The following GRIP1 variants were observed in gnomAD, a reference collection of about 807,000 sequenced individuals.
GRIP1 encodes glutamate receptor interacting protein 1.
Under a neutral mutation model 129.9 loss-of-function variants are expected in GRIP1, and 45 were observed. The observed-to-expected ratio is 0.35, with a 90% CI of 0.27 to 0.44. The LOEUF is 0.44. GRIP1 is among the 20% of genes least tolerant of loss of function. The probability of loss-of-function intolerance (pLI) is 1.00; values close to 1 mark genes in which losing one functional copy is unlikely to be tolerated. For synonymous variants in GRIP1, 530 were observed against 520.8 expected, an observed-to-expected ratio of 1.02 and a Z score of -0.24; for missense variants, 1,196 against 1,396.8, an observed-to-expected ratio of 0.86 and a Z score of 2.29.
chr12:67,024,169 A>T (rs1228880914), intron 1 of GRIP1, among the ~76,000 whole-genome samples: 3 of 152,032 alleles, frequency 2.0e-5, no homozygotes, highest in African/African-American at 4.8e-5. Flanking sequence ...TCCTTCCATC[A>T]CTCATCACCC....
chr12:66,527,343 G>C (rs1371499315), intron 5 of GRIP1, among the ~76,000 whole-genome samples: 5 of 151,980 alleles, frequency 3.3e-5, no homozygotes, highest in African/African-American at 1.2e-4. Context: ...ATACTATGCA[G>C]CCATAAAAAA....
intron 5 of GRIP1, among the ~76,000 whole-genome samples, chr12:66,528,427 G>A (rs916958479): frequency 9.9e-5 from 15 of 152,140 alleles, no homozygotes; most frequent in African/African-American, 3.1e-4. Flanking sequence ...GTGAGTCACT[G>A]TGCCCGGCCT....
At chr12:66,634,609 T>C (rs938289703) in intron 1 of GRIP1, among the ~76,000 whole-genome samples, 1 of 152,246 alleles carries the variant, frequency 6.6e-6, no homozygotes, top group South Asian at 2.1e-4. Context: ...AAATTGATCA[T>C]ATATTCTTCC....
At chr12:66,882,841 C>T (rs985443196) in intron 1 of GRIP1, among the ~76,000 whole-genome samples, 1 of 152,118 alleles carries the variant, frequency 6.6e-6, no homozygotes, top group Non-Finnish European at 1.5e-5. Flanking sequence ...ATCTCCTCCT[C>T]GCAGACAAGG....
intron 1 of GRIP1, among the ~76,000 whole-genome samples, chr12:66,768,694 T>A (rs1566012590): frequency 6.6e-6 from 1 of 152,224 alleles, no homozygotes; most frequent in East Asian, 1.9e-4. Context: ...AAACACTGGT[T>A]ATACACAATA....
intron 1 of GRIP1, among the ~76,000 whole-genome samples, chr12:66,859,611 T>G (rs1308361979): frequency 6.6e-6 from 1 of 152,070 alleles, no homozygotes; most frequent in East Asian, 1.9e-4. Context: ...GGATGTCTAA[T>G]TCCATTCTCT....
intron 1 of GRIP1, among the ~76,000 whole-genome samples, chr12:66,762,794 C>T (rs10506499): frequency 0.013 from 1,989 of 152,270 alleles, 52 homozygotes; most frequent in African/African-American, 0.046. Context: ...ATGCCTTAAT[C>T]GGAGCATATA....
intron 23 of GRIP1, among the ~76,000 whole-genome samples, chr12:66,356,913 C>T (rs1453217091): frequency 1.3e-5 from 2 of 152,098 alleles, no homozygotes; most frequent in Non-Finnish European, 2.9e-5. Flanking sequence ...CTCTGTCACC[C>T]AGGCAGGAGT....
At chr12:67,013,113 A>G (rs2042733738) in intron 1 of GRIP1, among the ~76,000 whole-genome samples, 1 of 152,226 alleles carries the variant, frequency 6.6e-6, no homozygotes, top group South Asian at 2.1e-4. Flanking sequence ...AATTTGGGTA[A>G]CATTTGTTGA....
rs964774719 is a variant in GRIP1 at position 66,442,440 on chromosome 12, C to A, written c.1687+2144G>T. Among the ~76,000 whole-genome samples the A allele has an allele frequency of 2.0e-5, 3 of 152,226 alleles. No individual in the cohort carries two copies. The East Asian group carries it at 5.8e-4, about 29-fold the overall frequency. ...TGTCACTCCTTAGAGCATCAGCCTA[C>A]AAAACTAGCTCCCCTAAAGTCATTC... On this transcript the variant is annotated intron_variant, in intron 13 of 24. Coordinates refer to ENST00000359742, the MANE Select transcript of GRIP1 (RefSeq NM_001366722.1).
chr12:66,489,965 C>G (rs2060061197), intron 7 of GRIP1, among the ~76,000 whole-genome samples: 1 of 152,022 alleles, frequency 6.6e-6, no homozygotes, highest in Non-Finnish European at 1.5e-5. Flanking sequence ...AACCACCATA[C>G]AAGGAAATCA....
chr12:66,894,246 A>G (rs1468295752), intron 1 of GRIP1, among the ~76,000 whole-genome samples: 1 of 152,178 alleles, frequency 6.6e-6, no homozygotes, highest in Admixed American at 6.5e-5. Flanking sequence ...TAGAGAGTAC[A>G]CGCACTCCCA....
At chr12:66,836,285 C>T (rs12826886) in intron 1 of GRIP1, among the ~76,000 whole-genome samples, 39,597 of 151,962 alleles carry the variant, frequency 0.26, 6,177 homozygotes, top group Non-Finnish European at 0.35. Flanking sequence ...GCCCAGGAAC[C>T]TCACAACCTC....
intron 2 of GRIP1, among the ~76,000 whole-genome samples, chr12:66,578,447 G>C (rs1479488926): frequency 6.6e-6 from 1 of 152,120 alleles, no homozygotes; most frequent in Non-Finnish European, 1.5e-5. Flanking sequence ...GCCAAAGCAG[G>C]GCGAGGCATT....
chr12:66,821,851 G>A (rs1180831731), intron 1 of GRIP1, among the ~76,000 whole-genome samples: 1 of 152,152 alleles, frequency 6.6e-6, no homozygotes, highest in Non-Finnish European at 1.5e-5. Flanking sequence ...ACAAAAAGTA[G>A]AGGCCCTACT....
At chr12:66,601,904 T>G (rs914784380) in intron 1 of GRIP1, among the ~76,000 whole-genome samples, 1 of 152,156 alleles carries the variant, frequency 6.6e-6, no homozygotes, top group Admixed American at 6.5e-5. Context: ...ACACAAAAGA[T>G]AATGACACCT....
intron 16 of GRIP1, among the ~76,000 whole-genome samples, chr12:66,402,375 A>G (rs2057033049): frequency 6.6e-6 from 1 of 152,224 alleles, no homozygotes; most frequent in Admixed American, 6.5e-5. Context: ...GATACTTCAT[A>G]GACAATAAAC....
At chr12:66,821,821 T>C (rs1837898296) in intron 1 of GRIP1, among the ~76,000 whole-genome samples, 1 of 152,154 alleles carries the variant, frequency 6.6e-6, no homozygotes, top group African/African-American at 2.4e-5. Context: ...ATGGTGATTC[T>C]GTATACATTT....
chr12:66,355,008 C>T (rs878899262), intron 23 of GRIP1, among the ~76,000 whole-genome samples: 1 of 152,302 alleles, frequency 6.6e-6, no homozygotes, highest in Admixed American at 6.5e-5. Flanking sequence ...GTCTGTGAGA[C>T]TCCAGACACC....
Sources: gnomAD v4.1 joint callset for allele counts (sites outside exome capture counted in the v4.1 genomes callset) on GRCh38, gnomAD v4.1.1 for gene constraint, MANE v1.5 for transcripts, NCBI Gene and HGNC (gene_info 2026-07-23, HGNC 2026-07-21) for gene names.